Variants in RTTN observed in about 807,000 individuals in gnomAD.
RTTN encodes rotatin.
A neutral mutation model predicts 269.2 loss-of-function variants in RTTN; 182 were observed. That is an observed-to-expected ratio of 0.68 (90% CI 0.60 to 0.76). RTTN has a LOEUF of 0.76. Ranked by LOEUF, RTTN falls within the 30% of genes least tolerant of loss-of-function variation. The pLI, the probability that RTTN is intolerant of heterozygous loss-of-function variation, is 0.00. For missense variants in RTTN, 2,545 were observed against 2,608.6 expected (o/e 0.98, Z 0.53); for synonymous variants, 1,006 against 963.5 (o/e 1.04, Z -0.82).
chr18:70,174,662 T>G (rs1411687075), intron 11 of RTTN, among the ~76,000 whole-genome samples: 1 of 151,498 alleles, frequency 6.6e-6, no homozygotes, highest in Non-Finnish European at 1.5e-5. Flanking sequence ...CATTAAAATT[T>G]ATGAAGTGTT....
chr18:70,190,859 G>A (rs763973780), intron 8 of RTTN, 140 bp from the exon 9 acceptor site: 230 of 557,534 alleles, frequency 4.1e-4, no homozygotes, highest in Middle Eastern at 1.9e-3. Context: ...CAGATTTGTA[G>A]AAACTTTGAC....
chr18:70,080,932 A>T (rs1426431566), intron 32 of RTTN, among the ~76,000 whole-genome samples: 52 of 9,064 alleles, frequency 5.7e-3, no homozygotes, highest in African/African-American at 6.1e-3. Flanking sequence ...GTGGTATCAC[A>T]CACACACACA....
intron 28 of RTTN, among the ~76,000 whole-genome samples, chr18:70,095,095 T>C (rs975165635): frequency 1.3e-5 from 2 of 151,036 alleles, no homozygotes; most frequent in Non-Finnish European, 2.9e-5. Flanking sequence ...GTTTAAAATC[T>C]GTTTTATCAG....
intron 32 of RTTN, among the ~76,000 whole-genome samples, chr18:70,083,889 C>T (rs541519272): frequency 2.9e-5 from 4 of 138,030 alleles, no homozygotes; most frequent in East Asian, 2.3e-4. Flanking sequence ...GCCTGGACAA[C>T]ACAGTGAGAC....
intron 14 of RTTN, among the ~76,000 whole-genome samples, chr18:70,165,137 A>G (rs1045257969): frequency 1.3e-5 from 2 of 152,140 alleles, no homozygotes; most frequent in Admixed American, 6.5e-5. Context: ...ATACTGAAAA[A>G]CTTACTTCAA....
chr18:70,096,915 T>C (rs1010653884), intron 28 of RTTN, among the ~76,000 whole-genome samples: 3 of 152,168 alleles, frequency 2.0e-5, no homozygotes, highest in African/African-American at 7.2e-5. Context: ...TTCCCCAAGG[T>C]CAAAAATTTA....
chr18:70,087,883 A>C (rs1319271342), intron 31 of RTTN, 106 bp downstream of exon 31: 7 of 1,163,366 alleles, frequency 6.0e-6, no homozygotes, highest in Admixed American at 2.2e-5. Flanking sequence ...GACAGAAGAG[A>C]TCATGGTCAG....
At chr18:70,131,819 A>T (rs2060004875) in intron 23 of RTTN, 1 of 152,036 alleles carries the variant, frequency 6.6e-6, no homozygotes, top group Non-Finnish European at 1.5e-5. Flanking sequence ...CAAATAGAAA[A>T]TAGCAAGCTA....
At chr18:70,060,286 G>A (rs2057943057) in intron 35 of RTTN, among the ~76,000 whole-genome samples, 1 of 151,892 alleles carries the variant, frequency 6.6e-6, no homozygotes, top group Non-Finnish European at 1.5e-5. Flanking sequence ...ATTGTCGTAT[G>A]CAGAAGAGAC....
chr18:70,093,172 T>G (rs965604218), intron 28 of RTTN, among the ~76,000 whole-genome samples: 1 of 152,104 alleles, frequency 6.6e-6, no homozygotes, highest in South Asian at 2.1e-4. Flanking sequence ...ACCACTGCAC[T>G]TGGCCTAAGT....
chr18:70,057,329 A>G (rs1278475730), intron 37 of RTTN, among the ~76,000 whole-genome samples: 1 of 152,250 alleles, frequency 6.6e-6, no homozygotes, highest in African/African-American at 2.4e-5. Context: ...ATTTTTATCA[A>G]ATTGGGTTTT....
rs767838830 is a variant in RTTN at position 70,149,940 on chromosome 18, G to A, written c.2172+31C>T. The A allele has an allele frequency of 2.2e-6, 3 of 1,379,036 alleles. No individual in the cohort carries two copies. In the South Asian group the frequency reaches 3.5e-5, roughly 16 times the overall value. 85.4% of individuals were successfully genotyped at this position (1,379,036 alleles called of 1,614,324 possible). A position where few individuals can be genotyped will look rare whatever the true frequency, so the allele number is the denominator to read the frequency against. ...CAATCACACCCAGCCAAAGATAAATGGTATCATAAAAAGTGAATTTCACAG... is the reference window on the plus strand; with the variant it reads ...CAATCACACCCAGCCAAAGATAAATAGTATCATAAAAAGTGAATTTCACAG... On this transcript the variant is annotated intron_variant, in intron 16 of 48. Coordinates refer to ENST00000640769, the MANE Select transcript of RTTN (RefSeq NM_173630.4).
chr18:70,133,690 T>C (rs1040268448), intron 23 of RTTN, among the ~76,000 whole-genome samples: 9 of 152,052 alleles, frequency 5.9e-5, no homozygotes, highest in African/African-American at 2.2e-4. Flanking sequence ...GAAATTAAAA[T>C]AGGATTACAT....
intron 11 of RTTN, among the ~76,000 whole-genome samples, chr18:70,171,271 G>T (rs969544615): frequency 6.6e-6 from 1 of 152,204 alleles, no homozygotes; most frequent in Admixed American, 6.5e-5. Flanking sequence ...TAGCAAAGGC[G>T]ATTTACACTG....
chr18:70,202,277 T>C (rs968324976), intron 3 of RTTN, among the ~76,000 whole-genome samples: 35 of 152,212 alleles, frequency 2.3e-4, no homozygotes, highest in Non-Finnish European at 5.9e-5. Context: ...ACTATCCCTC[T>C]CTACTTCCTA....
chr18:70,119,289 C>G (rs1350921351), intron 26 of RTTN, among the ~76,000 whole-genome samples: 2 of 144,354 alleles, frequency 1.4e-5, no homozygotes, highest in Non-Finnish European at 3.0e-5. Flanking sequence ...AGTAACCGCG[C>G]CCCCCCAAAA....
intron 11 of RTTN, among the ~76,000 whole-genome samples, chr18:70,169,517 A>G (rs2061082145): frequency 6.6e-6 from 1 of 152,216 alleles, no homozygotes; most frequent in Admixed American, 6.5e-5. Context: ...TATTAATGAC[A>G]TATTAATAAC....
At chr18:70,171,742 T>C (rs1418604057) in intron 11 of RTTN, among the ~76,000 whole-genome samples, 1 of 152,210 alleles carries the variant, frequency 6.6e-6, no homozygotes, top group Non-Finnish European at 1.5e-5. Context: ...GGGCTATAAA[T>C]GTTTCCTGTA....
Position 70,081,746 on chromosome 18 carries a change from G to C in RTTN, c.4374+4867C>G, listed in dbSNP as rs543564584. ...ACAAGTATATGCAATGTGTATTCCT[G>C]AGCTGGATCTTGGATCCAGGATTGG... On this transcript the variant is annotated intron_variant, in intron 32 of 48. Coordinates refer to ENST00000640769, the MANE Select transcript of RTTN (RefSeq NM_173630.4). Among the ~76,000 whole-genome samples the C allele has an allele frequency of 3.9e-5, 6 of 152,132 alleles. No homozygotes were observed. The South Asian group carries it at 1.2e-3, about 32-fold the overall frequency.
Sources: gnomAD v4.1 joint callset for allele counts (sites outside exome capture counted in the v4.1 genomes callset) on GRCh38, gnomAD v4.1.1 for gene constraint, MANE v1.5 for transcripts, NCBI Gene and HGNC (gene_info 2026-07-23, HGNC 2026-07-21) for gene names.